Variants in GTF2H2C observed in about 807,000 individuals in gnomAD.
The protein encoded by GTF2H2C is general transcription factor IIH subunit 2-like protein.
Under a neutral mutation model 24.8 loss-of-function variants are expected in GTF2H2C, and 5 were observed. That is an observed-to-expected ratio of 0.20 (90% CI 0.11 to 0.42). The LOEUF (loss-of-function observed/expected upper bound fraction) is 0.42, where lower values mean the gene tolerates loss of function less well. GTF2H2C is among the 20% of genes least tolerant of loss of function. The pLI is 1.00. For missense variants in GTF2H2C, 45 were observed against 169.8 expected (o/e 0.27, Z 4.08); for synonymous variants, 14 against 52.6 (o/e 0.27, Z 3.18).
At chr5:69,568,551 G>A (rs1451445794) in intron 8 of GTF2H2C, 1 of 112,990 alleles carries the variant, frequency 8.9e-6, no homozygotes, top group South Asian at 2.0e-4. Context: ...AGGCTAGAGT[G>A]CAGTGGCACA....
intron 1 of GTF2H2C, among the ~76,000 whole-genome samples, chr5:69,560,902 C>A (rs1770284126): frequency 6.6e-6 from 1 of 151,676 alleles, no homozygotes; most frequent in Non-Finnish European, 1.5e-5. Flanking sequence ...GAACTACAGG[C>A]GCGTGCCACC....
intron 8 of GTF2H2C, chr5:69,569,414 A>G (rs1452205797): frequency 5.6e-5 from 1 of 17,756 alleles, no homozygotes. Context: ...CCCGTAGCCT[A>G]TAGCTTCAGC....
chr5:69,573,369 A>G (rs1393827448), intron 9 of GTF2H2C, among the ~76,000 whole-genome samples: 1 of 88,376 alleles, frequency 1.1e-5, no homozygotes, highest in African/African-American at 4.4e-5. Flanking sequence ...TTTTTAGTAC[A>G]GATGGGGTTT....
At chr5:69,577,456 C>T (rs1188508435) in intron 9 of GTF2H2C, among the ~76,000 whole-genome samples, 1 of 138,496 alleles carries the variant, frequency 7.2e-6, no homozygotes, top group African/African-American at 2.9e-5. Context: ...GACGGAGTCT[C>T]GCTCTGTCGC....
chr5:69,560,782 G>C (rs187271448), intron 1 of GTF2H2C, among the ~76,000 whole-genome samples: 1 of 151,922 alleles, frequency 6.6e-6, no homozygotes, highest in Non-Finnish European at 1.5e-5. Context: ...TCTTCGAGAC[G>C]GAGTCTCGCC....
At chr5:69,561,543 ACT>A (rs1477291686) in intron 1 of GTF2H2C, among the ~76,000 whole-genome samples, 1 of 52,366 alleles carries the variant, frequency 1.9e-5, no homozygotes, top group African/African-American at 5.5e-5. Flanking sequence ...ACAGAGCAAG[ACT>A]CTTGTCTCAG....
chr5:69,580,897 C>CTT (rs1310718207), intron 12 of GTF2H2C, among the ~76,000 whole-genome samples: 1 of 90,496 alleles, frequency 1.1e-5, no homozygotes, highest in Non-Finnish European at 2.3e-5. Context: ...TTTTTTTTTT[C>CTT]TTTTTTTTTT....
intron 2 of GTF2H2C, among the ~76,000 whole-genome samples, chr5:69,564,042 C>G (rs553989544): frequency 6.6e-6 from 1 of 151,004 alleles, no homozygotes; most frequent in South Asian, 2.1e-4. Context: ...CTCCCAAGTG[C>G]TAGGATTACA....
At chr5:69,573,145 T>TGCACACAC (rs1554057989) in intron 9 of GTF2H2C, among the ~76,000 whole-genome samples, 1 of 117,440 alleles carries the variant, frequency 8.5e-6, no homozygotes. Flanking sequence ...CTATTATATA[T>TGCACACAC]ACACACACAC....
rs1300755790 is a variant in GTF2H2C, at chr5:69,593,805, G to A, written c.*1607G>A. 2 of 20,062 alleles carry A rather than the reference G, an allele frequency of 1.0e-4. No homozygotes were observed. Among genetic ancestry groups the A allele is most frequent in the African/African-American group, 3.6e-4 (2 of 5,630 alleles). The allele number at this position is 20,062 out of a possible 1,614,324, so 1.2% of individuals were successfully genotyped here. The stretch of plus-strand genomic sequence containing the variant: ...CAAAAAATTAGCTGGGCCTGGTGGC[G>A]GGCGCCTGTAGTCCCAGCTATTCGG... On this transcript the variant is annotated 3_prime_UTR_variant, in exon 17 of 17. Coordinates refer to ENST00000380729, the MANE Select transcript of GTF2H2C (RefSeq NM_001376000.2).
rs572442328 is a variant in GTF2H2C at position 69,563,769 on chromosome 5, C to A, written c.-34+999C>A. ...GTGTACTCAGTGTTTAGTTTCCACT[C>A]GTAAATGAGAACATGCCGTCTTTGG... On this transcript the variant is annotated intron_variant, in intron 2 of 16. Coordinates refer to ENST00000380729, the MANE Select transcript of GTF2H2C (RefSeq NM_001376000.2). Among the ~76,000 whole-genome samples the A allele has an allele frequency of 4.6e-5, 7 of 152,090 alleles. No homozygotes were observed. The East Asian group carries it at 9.7e-4, about 21-fold the overall frequency.
intron 15 of GTF2H2C, among the ~76,000 whole-genome samples, chr5:69,589,999 G>A (rs1441001964): frequency 1.5e-5 from 2 of 134,032 alleles, no homozygotes; most frequent in East Asian, 2.4e-4. Context: ...ATTCTCCTGC[G>A]TCAGCCTCCT....
intron 1 of GTF2H2C, chr5:69,560,709 T>C (rs1770261667): frequency 6.6e-6 from 1 of 151,594 alleles, no homozygotes; most frequent in East Asian, 1.9e-4. Context: ...AGGCTTATGC[T>C]GAGGAACGTG....
intron 4 of GTF2H2C, 90 bp downstream of exon 4, chr5:69,566,298 G>GTA: frequency 6.6e-7 from 1 of 1,507,210 alleles, no homozygotes; most frequent in Non-Finnish European, 9.0e-7. Flanking sequence ...CTTCATTTTA[G>GTA]CTGTGTTTCA....
chr5:69,568,523 G>A (rs1161718264), intron 8 of GTF2H2C: 1 of 162,216 alleles, frequency 6.2e-6, no homozygotes, highest in Non-Finnish European at 1.0e-5. Context: ...TTTGGAGATG[G>A]AGTCTTGCTC....
rs1480574760 is a variant in GTF2H2C at position 69,572,482 on chromosome 5, T to C, written c.402T>C (p.Ala134=). The C allele has an allele frequency of 1.3e-6, 2 of 1,569,704 alleles. No individual in the cohort carries two copies. Among genetic ancestry groups the C allele is most frequent in the Admixed American group, 1.8e-5 (1 of 55,464 alleles). ...PRKHITSLKE[A]VDMTCHGEPS... ...AACATATAACGTCTTTGAAGGAAGC[T>C]GTGGATATGACCTGCCATGGAGAGC... is the stretch of plus-strand genomic sequence containing the variant. The change falls in exon 9 of 17, where the codon GCT becomes GCC. Residue 134 remains alanine (A), a synonymous_variant. Coordinates refer to ENST00000380729, the MANE Select transcript of GTF2H2C (RefSeq NM_001376000.2).
chr5:69,566,962 G>A lies in GTF2H2C; in HGVS notation c.172-5G>A. 2.1e-5 allele frequency: 2 copies of A among 95,790 alleles called. No homozygotes were observed. The highest frequency in any genetic ancestry group is 2.7e-4 in the East Asian group (1 of 3,672). 5.9% of individuals were successfully genotyped at this position (95,790 alleles called of 1,614,324 possible). A position where few individuals can be genotyped will look rare whatever the true frequency, so the allele number is the denominator to read the frequency against. On this transcript the variant is annotated splice_polypyrimidine_tract_variant and splice_region_variant and intron_variant, in intron 5 of 16. Coordinates refer to ENST00000380729, the MANE Select transcript of GTF2H2C (RefSeq NM_001376000.2). ...TTGAAATTGGCCCTTTCTTTTTTCC[G>A]ATAGATGCGCCACCTTTATGTGGTA...
intron 1 of GTF2H2C, among the ~76,000 whole-genome samples, chr5:69,562,244 G>A (rs1167853266): frequency 1.3e-5 from 2 of 152,120 alleles, no homozygotes; most frequent in East Asian, 1.9e-4. Context: ...ACTTGAACTC[G>A]GAGGCGGAGG....
Position 69,593,793 on chromosome 5 carries a change from G to A in GTF2H2C, c.*1595G>A, listed in dbSNP as rs1192776889. The A allele has an allele frequency of 4.6e-5, 1 of 21,522 alleles. No homozygotes were observed. Among genetic ancestry groups the A allele is most frequent in the African/African-American group, 1.6e-4 (1 of 6,124 alleles). 1.3% of individuals were successfully genotyped at this position (21,522 alleles called of 1,614,324 possible). On this transcript the variant is annotated 3_prime_UTR_variant, in exon 17 of 17. Transcript: ENST00000380729. The stretch of plus-strand genomic sequence containing the variant: ...CTACTAAACATACAAAAAATTAGCT[G>A]GGCCTGGTGGCGGGCGCCTGTAGTC...
Sources: allele counts gnomAD v4.1 joint callset (sites outside exome capture counted in the v4.1 genomes callset), GRCh38; gene constraint gnomAD v4.1.1; transcripts MANE v1.5; gene names NCBI Gene and HGNC (gene_info 2026-07-23, HGNC 2026-07-21).